Variants in DCP1B observed in about 807,000 individuals in gnomAD.
DCP1B encodes mRNA-decapping enzyme 1B.
Under a neutral mutation model 60.5 loss-of-function variants are expected in DCP1B, and 47 were observed. The ratio of observed to expected loss-of-function variants is 0.78; its 90% CI spans 0.61 to 0.99. The LOEUF is 0.99. Among genes scored for constraint, DCP1B ranks in the 50% least tolerant of loss-of-function variants. The pLI is 0.00. For synonymous variants in DCP1B, 267 were observed against 280.3 expected, an observed-to-expected ratio of 0.95 and a Z score of 0.47; for missense variants, 725 against 756.8, an observed-to-expected ratio of 0.96 and a Z score of 0.49.
chr12:1,997,878 C>T (rs1353508834), intron 2 of DCP1B, 57 bp downstream of exon 2: 86 of 1,383,130 alleles, frequency 6.2e-5, no homozygotes, highest in Admixed American at 5.0e-4. Flanking sequence ...AGTGACACAA[C>T]GGAGCTAAAA....
intron 2 of DCP1B, among the ~76,000 whole-genome samples, chr12:1,995,578 C>T (rs1485485298): frequency 1.3e-5 from 2 of 152,228 alleles, no homozygotes; most frequent in African/African-American, 2.4e-5. Flanking sequence ...CCCATTCCTT[C>T]CTTCCACCTC....
At chr12:1,952,349 T>G in intron 7 of DCP1B, 67 bp downstream of exon 7, 1 of 1,479,046 alleles carries the variant, frequency 6.8e-7, no homozygotes, top group Non-Finnish European at 9.0e-7. Context: ...ACTTTTTTTT[T>G]TTTTTTAGGG....
chr12:1,946,876 T>C (rs2030446977), intron 8 of DCP1B, among the ~76,000 whole-genome samples: 2 of 152,136 alleles, frequency 1.3e-5, no homozygotes, highest in Non-Finnish European at 2.9e-5. Flanking sequence ...TTAAGTTTTT[T>C]GTTAAGACAG....
chr12:1,979,011 CTT>C (rs1440061441), intron 3 of DCP1B, among the ~76,000 whole-genome samples: 1 of 152,064 alleles, frequency 6.6e-6, no homozygotes, highest in Non-Finnish European at 1.5e-5. Flanking sequence ...GTGTAAAAGT[CTT>C]TGTGTGGACA....
intron 3 of DCP1B, among the ~76,000 whole-genome samples, chr12:1,975,891 G>A (rs1220542568): frequency 6.6e-6 from 1 of 152,168 alleles, no homozygotes; most frequent in Non-Finnish European, 1.5e-5. Flanking sequence ...TGATGGAGAA[G>A]TAGAAACTGT....
At chr12:1,950,036 C>T in intron 7 of DCP1B, 2 of 385,018 alleles carry the variant, frequency 5.2e-6, no homozygotes, top group Non-Finnish European at 9.4e-6. Flanking sequence ...CATTTTGATC[C>T]TTATCTGACT....
intron 3 of DCP1B, chr12:1,970,948 C>T (rs1790456777): frequency 1.2e-5 from 6 of 493,836 alleles, no homozygotes; most frequent in Non-Finnish European, 1.9e-5. Flanking sequence ...TTTTGTGGCA[C>T]TGAAATGTTA....
chr12:1,991,301 G>GT, intron 3 of DCP1B: 1 of 436,038 alleles, frequency 2.3e-6, no homozygotes, highest in South Asian at 1.7e-5. Context: ...ATTAAACATG[G>GT]TAAAATAAAT....
chr12:1,976,396 G>C (rs1258838026), intron 3 of DCP1B, among the ~76,000 whole-genome samples: 5 of 152,172 alleles, frequency 3.3e-5, no homozygotes, highest in South Asian at 4.2e-4. Context: ...TTAAATGCAG[G>C]CTTAAAAGGA....
intron 2 of DCP1B, among the ~76,000 whole-genome samples, chr12:1,993,805 T>TA (rs1348640992): frequency 1.3e-5 from 2 of 152,210 alleles, no homozygotes; most frequent in African/African-American, 2.4e-5. Context: ...TAGTTAATAT[T>TA]AGAGTGTACA....
intron 3 of DCP1B, chr12:1,991,700 T>C (rs2039469589): frequency 6.2e-6 from 1 of 160,258 alleles, no homozygotes; most frequent in East Asian, 1.8e-4. Context: ...GGTGTATGTT[T>C]ATTAGATCTA....
rs1289869721 is a variant in DCP1B at position 1,996,653 on chromosome 12, AAAC to A, written c.191+1279_191+1281del. Among the ~76,000 whole-genome samples the A allele has an allele frequency of 1.5e-3, 55 of 36,664 alleles. 8 individuals carry two copies. Among genetic ancestry groups the A allele is most frequent in the African/African-American group, 9.4e-3 (53 of 5,612 alleles). The allele number at this position is 36,664 out of a possible 152,430, so 24.1% of individuals were successfully genotyped here. ...AAAAAAAAAAAAAAAAAAAAAAAAA[AAAC>A]AACAAACTCTTCTAATGTTTTAAAG... On this transcript the variant is annotated intron_variant, in intron 2 of 8. Transcript: ENST00000280665.
chr12:1,983,771 T>G (rs543590976), intron 3 of DCP1B, among the ~76,000 whole-genome samples: 1 of 152,062 alleles, frequency 6.6e-6, no homozygotes, highest in Non-Finnish European at 1.5e-5. Flanking sequence ...TCCATATACT[T>G]GCTGTTTTCT....
Position 1,946,209 on chromosome 12 carries a change from CAT to C in DCP1B, c.1849_1850del (p.Met617ValfsTer43). 1 of 1,595,768 alleles carries C rather than the reference CAT, an allele frequency of 6.3e-7. No individual in the cohort carries two copies. The highest frequency in any genetic ancestry group is 8.5e-7 in the Non-Finnish European group (1 of 1,172,318). On this transcript the variant is annotated frameshift_variant, in exon 9 of 9. Coordinates refer to ENST00000280665, the MANE Select transcript of DCP1B (RefSeq NM_152640.5). LOFTEE classifies it high-confidence loss of function. Reference protein sequence around the residue: ...SMTQAAMKKTM With the variant: ...SMTQAAMKKTX ...TCAGTTTTAAAAGGCCTTGCTGTCA[CAT>C]AGTCTTTTTCATGGCTGCTTGAGTC...
chr12:1,958,565 G>A (rs2030991482), intron 5 of DCP1B, among the ~76,000 whole-genome samples: 2 of 138,018 alleles, frequency 1.4e-5, no homozygotes, highest in Non-Finnish European at 1.6e-5. Context: ...CCTGGAAGAA[G>A]ACAGGGGAAA....
In DCP1B at chr12:1,952,405, T is replaced by C; in HGVS notation, c.1524+11A>G. 1.9e-6 allele frequency: 3 copies of C among 1,551,536 alleles called. No individual in the cohort carries two copies. The highest frequency in any genetic ancestry group is 2.6e-6 in the Non-Finnish European group (3 of 1,147,806). On this transcript the variant is annotated intron_variant, in intron 7 of 8. Transcript: ENST00000280665. ...CCAGGCTGTTTTATTTTGCCCCTGG[T>C]ACATATTTACCTGGAAAAGAGGAGT...
intron 3 of DCP1B, among the ~76,000 whole-genome samples, chr12:1,978,602 A>G (rs1175559591): frequency 6.6e-6 from 1 of 152,180 alleles, no homozygotes; most frequent in East Asian, 1.9e-4. Context: ...TGGCAATAAA[A>G]CACTCTTATG....
rs1440767449 is a variant in DCP1B, at chr12:1,952,744, C to A, written c.1196G>T (p.Gly399Val). The A allele has an allele frequency of 4.3e-6, 7 of 1,614,060 alleles. No homozygotes were observed. Among genetic ancestry groups the A allele is most frequent in the Non-Finnish European group, 5.9e-6 (7 of 1,180,032 alleles). ...ATAGGCCTGTGGTGGCTGAGCCAGA[C>A]CCTTTCCTGGAGCCACAGGGGTGAC... ...TSVTPVAPGK[G>V]LAQPPQAYFN... Residue 399 changes from glycine to valine, a missense_variant, in exon 7 of 9, where the codon GGT becomes GTT. Gly to Val is a moderately radical substitution (Grantham distance 109). Coordinates refer to ENST00000280665, the MANE Select transcript of DCP1B (RefSeq NM_152640.5).
chr12:1,957,366 A>G (rs1040723041), intron 5 of DCP1B, among the ~76,000 whole-genome samples: 10 of 152,230 alleles, frequency 6.6e-5, no homozygotes, highest in African/African-American at 2.4e-4. Flanking sequence ...AAACATATGT[A>G]TTTATGCCAA....
Sources: gnomAD v4.1 joint callset for allele counts (sites outside exome capture counted in the v4.1 genomes callset) on GRCh38, gnomAD v4.1.1 for gene constraint, MANE v1.5 for transcripts, NCBI Gene and HGNC (gene_info 2026-07-23, HGNC 2026-07-21) for gene names.